HSBP1: variants seen among roughly 807,000 people sequenced by gnomAD.
HSBP1 encodes heat shock factor binding protein 1, also known as heat shock factor-binding protein 1.
HSBP1 carries 5 observed loss-of-function variants against 9.6 expected under a neutral mutation model. The ratio of observed to expected loss-of-function variants is 0.52; its 90% CI spans 0.27 to 1.09. The LOEUF (loss-of-function observed/expected upper bound fraction) is 1.09, where lower values mean the gene tolerates loss of function less well. HSBP1 is among the 50% of genes least tolerant of loss of function. The probability of loss-of-function intolerance (pLI) is 0.11; values close to 1 mark genes in which losing one functional copy is unlikely to be tolerated. For synonymous variants in HSBP1, 42 were observed against 33.3 expected, an observed-to-expected ratio of 1.26 and a Z score of -0.90; for missense variants, 121 against 96.3, an observed-to-expected ratio of 1.26 and a Z score of -1.07.
rs1904784212 is a variant in HSBP1, at chr16:83,819,137, C to G, written c.*7719C>G. 6.6e-6 allele frequency: 1 copy of G among 151,836 alleles called. No homozygotes were observed. The highest frequency in any genetic ancestry group is 6.6e-5 in the Admixed American group (1 of 15,254). 9.4% of individuals were successfully genotyped at this position (151,836 alleles called of 1,614,324 possible). A position where few individuals can be genotyped will look rare whatever the true frequency, so the allele number is the denominator to read the frequency against. On this transcript the variant is annotated 3_prime_UTR_variant, in exon 4 of 4. Transcript: ENST00000433866. ...TGCCCAACACCCTTTAGTCTAATGG[C>G]TTTAGGGTCAAATATGTCTAAACCA... is the stretch of plus-strand genomic sequence containing the variant.
Position 83,811,921 on chromosome 16 carries a change from C to G in HSBP1, c.*503C>G, listed in dbSNP as rs1597255335. 6.6e-6 allele frequency: 1 copy of G among 152,336 alleles called. No homozygotes were observed. The highest frequency in any genetic ancestry group is 2.4e-5 in the African/African-American group (1 of 41,446). The allele number at this position is 152,336 out of a possible 1,614,324, so 9.4% of individuals were successfully genotyped here. On this transcript the variant is annotated 3_prime_UTR_variant, in exon 4 of 4. Transcript: ENST00000433866. ...AATACTTTTCAAATGGCTGAAAACA[C>G]CTAAAAATTGTTCATTCAGAAATAT...
chr16:83,808,160 C>T (rs1353099389), intron 1 of HSBP1, 39 bp downstream of exon 1: 7 of 1,514,750 alleles, frequency 4.6e-6, no homozygotes, highest in East Asian at 5.1e-5. Context: ...CGCGGCCTTC[C>T]CGGGCGGCGC....
At chr16:83,808,157 T>C in intron 1 of HSBP1, 36 bp downstream of exon 1, 2 of 1,532,286 alleles carry the variant, frequency 1.3e-6, no homozygotes, top group Non-Finnish European at 1.8e-6. Context: ...GGCCGCGGCC[T>C]TCCCGGGCGG....
intron 1 of HSBP1, chr16:83,808,383 G>T (rs982880916): frequency 3.5e-5 from 19 of 549,714 alleles, no homozygotes; most frequent in Non-Finnish European, 5.7e-5. Flanking sequence ...GGTCCCTCCC[G>T]CCTACCTCTG....
rs1904622342 is a variant in HSBP1 at position 83,812,448 on chromosome 16, A to G, written c.*1030A>G. ...TTTATCTCTGGCCACTCAAAAATGC[A>G]GTGCCAGGAGTGCTAAACCTAGAGG... On this transcript the variant is annotated 3_prime_UTR_variant, in exon 4 of 4. Transcript: ENST00000433866. 6.6e-6 allele frequency: 1 copy of G among 152,232 alleles called. No homozygotes were observed. Among genetic ancestry groups the G allele is most frequent in the Admixed American group, 6.5e-5 (1 of 15,280 alleles). The allele number at this position is 152,232 out of a possible 1,614,324, so 9.4% of individuals were successfully genotyped here.
intron 2 of HSBP1, chr16:83,809,047 T>A (rs1904533790): frequency 1.8e-6 from 1 of 548,718 alleles, no homozygotes; most frequent in African/African-American, 1.9e-5. Context: ...TATGAGTGGG[T>A]TGTAGTGTTA....
rs568489695 is a variant in HSBP1 at position 83,811,128 on chromosome 16, T to C, written c.*3-293T>C. ...TGCTTCTGTGGGTCTCTTTTTATAT[T>C]ATGTGGCAATCAAAACTGCCATCAA... On this transcript the variant is annotated intron_variant, in intron 3 of 3. Coordinates refer to ENST00000433866, the MANE Select transcript of HSBP1 (RefSeq NM_001537.4). Among the ~76,000 whole-genome samples, 3 of 152,344 alleles carry C rather than the reference T, an allele frequency of 2.0e-5. No homozygotes were observed. The East Asian group carries it at 5.8e-4, about 29-fold the overall frequency.
chr16:83,809,462 C>CT (rs34576085), intron 3 of HSBP1, 37 bp downstream of exon 3: 14,487 of 401,916 alleles, frequency 0.036, 43 homozygotes, highest in East Asian at 0.063. Flanking sequence ...CTTTTCTTTT[C>CT]TTTTTTTTTT....
intron 1 of HSBP1, 79 bp downstream of exon 1, chr16:83,808,200 C>A: frequency 8.2e-7 from 1 of 1,223,354 alleles, no homozygotes; most frequent in Non-Finnish European, 1.1e-6. Context: ...CAGAGGCGCG[C>A]CCACCGCGGC....
At chr16:83,810,552 G>A (rs567446592) in intron 3 of HSBP1, among the ~76,000 whole-genome samples, 1 of 128,208 alleles carries the variant, frequency 7.8e-6, no homozygotes, top group East Asian at 2.4e-4. Context: ...AAAGGTACTG[G>A]TGCGTGGTGA....
Position 83,807,986 on chromosome 16 carries a change from C to A in HSBP1, c.-91C>A. ...CGGTCCCGCGAGCTGCCAGTCTCGT[C>A]GCGAGAAGCAGCGGCCCGGGGCGAC... On this transcript the variant is annotated 5_prime_UTR_variant, in exon 1 of 4. Transcript: ENST00000433866. The A allele has an allele frequency of 2.5e-6, 3 of 1,199,688 alleles. No individual in the cohort carries two copies. Among genetic ancestry groups the A allele is most frequent in the Non-Finnish European group, 3.5e-6 (3 of 866,672 alleles). 74.3% of individuals were successfully genotyped at this position (1,199,688 alleles called of 1,614,324 possible). A position where few individuals can be genotyped will look rare whatever the true frequency, so the allele number is the denominator to read the frequency against.
intron 2 of HSBP1, 98 bp downstream of exon 2, chr16:83,808,844 C>A: frequency 2.4e-6 from 2 of 848,398 alleles, no homozygotes; most frequent in Non-Finnish European, 3.7e-6. Context: ...CTAGCTTCAG[C>A]CATTCACTTG....
At chr16:83,808,205 C>A in intron 1 of HSBP1, 84 bp downstream of exon 1, 2 of 1,184,348 alleles carry the variant, frequency 1.7e-6, no homozygotes, top group Non-Finnish European at 2.3e-6. Context: ...GCGCGCCCAC[C>A]GCGGCCGCGC....
rs566519245 is a variant in HSBP1, at chr16:83,808,024, C to T, written c.-53C>T. On this transcript the variant is annotated 5_prime_UTR_variant, in exon 1 of 4. The change creates a new upstream start codon in the 5' untranslated region. Transcript: ENST00000433866. Reference sequence around the variant, plus strand: ...GGCCCGGGGCGACTGAGCGGACAAACGGAAGTGTAGGTTACGGTCTGAGAC... The same window carrying T: ...GGCCCGGGGCGACTGAGCGGACAAATGGAAGTGTAGGTTACGGTCTGAGAC... 6.1e-6 allele frequency: 9 copies of T among 1,464,398 alleles called. No individual in the cohort carries two copies. The highest frequency in any genetic ancestry group is 1.3e-5 in the South Asian group (1 of 77,258). The allele number at this position is 1,464,398 out of a possible 1,614,324, so 90.7% of individuals were successfully genotyped here. A position where few individuals can be genotyped will look rare whatever the true frequency, so the allele number is the denominator to read the frequency against.
At chr16:83,811,394 T>A (rs554619746) in intron 3 of HSBP1, 27 bp from the exon 4 acceptor site, 5 of 152,382 alleles carry the variant, frequency 3.3e-5, no homozygotes, top group African/African-American at 1.2e-4. Context: ...ATGAAAAACA[T>A]GTTGATGATT....
In HSBP1 at chr16:83,816,419, A is replaced by C. The variant is rs1904722481; in HGVS notation, c.*5001A>C. 1 of 152,170 alleles carries C rather than the reference A, an allele frequency of 6.6e-6. No individual in the cohort carries two copies. Among genetic ancestry groups the C allele is most frequent in the African/African-American group, 2.4e-5 (1 of 41,416 alleles). The allele number at this position is 152,170 out of a possible 1,614,324, so 9.4% of individuals were successfully genotyped here. A position where few individuals can be genotyped will look rare whatever the true frequency, so the allele number is the denominator to read the frequency against. ...CATCTCAAAAAATAAAAAACAAAAAAATAAATAAAAAATAAAAAGACCCAA... is the reference window on the plus strand; with the variant it reads ...CATCTCAAAAAATAAAAAACAAAAACATAAATAAAAAATAAAAAGACCCAA... On this transcript the variant is annotated 3_prime_UTR_variant, in exon 4 of 4. Coordinates refer to ENST00000433866, the MANE Select transcript of HSBP1 (RefSeq NM_001537.4).
At chr16:83,808,285 GGCGCTCGGT>G in intron 1 of HSBP1, 164 bp downstream of exon 1, 1 of 628,324 alleles carries the variant, frequency 1.6e-6, no homozygotes, top group Non-Finnish European at 2.7e-6. Flanking sequence ...TGACCCCCGG[GGCGCTCGGT>G]GCGGGCCAGT....
chr16:83,818,482 A>G lies in HSBP1; in HGVS notation c.*7064A>G, dbSNP rs1904769334. ...AAGATTTGCTAGTAATGCTTCCAAC[A>G]AGTTACCGTTTAGCAAGTTCAGAAC... On this transcript the variant is annotated 3_prime_UTR_variant, in exon 4 of 4. Coordinates refer to ENST00000433866, the MANE Select transcript of HSBP1 (RefSeq NM_001537.4). 1 of 152,212 alleles carries G rather than the reference A, an allele frequency of 6.6e-6. No homozygotes were observed. The highest frequency in any genetic ancestry group is 2.4e-5 in the African/African-American group (1 of 41,452). 9.4% of individuals were successfully genotyped at this position (152,212 alleles called of 1,614,324 possible).
In HSBP1 at chr16:83,813,516, C is replaced by G. The variant is rs974279434; in HGVS notation, c.*2098C>G. 9 of 152,482 alleles carry G rather than the reference C, an allele frequency of 5.9e-5. No individual in the cohort carries two copies. The highest frequency in any genetic ancestry group is 7.3e-5 in the Non-Finnish European group (5 of 68,310). 9.4% of individuals were successfully genotyped at this position (152,482 alleles called of 1,614,324 possible). A position where few individuals can be genotyped will look rare whatever the true frequency, so the allele number is the denominator to read the frequency against. ...CAGGTTCGTGCCACCGCACCTGGGT[C>G]TTGCTGTGTTGCCCAGGCTGGTCTA... On this transcript the variant is annotated 3_prime_UTR_variant, in exon 4 of 4. Coordinates refer to ENST00000433866, the MANE Select transcript of HSBP1 (RefSeq NM_001537.4).
Sources: gnomAD v4.1 joint callset for allele counts (sites outside exome capture counted in the v4.1 genomes callset) on GRCh38, gnomAD v4.1.1 for gene constraint, MANE v1.5 for transcripts, NCBI Gene and HGNC (gene_info 2026-07-23, HGNC 2026-07-21) for gene names.